The following GTF2F2 variants were observed in gnomAD, a reference collection of about 807,000 sequenced individuals.
The protein encoded by GTF2F2 is ATP-dependent helicase GTF2F2.
In GTF2F2, 23 loss-of-function variants were observed where a neutral mutation model predicts 42.2. The observed-to-expected ratio is 0.55, with a 90% CI of 0.39 to 0.77. The LOEUF (loss-of-function observed/expected upper bound fraction) is 0.77, where lower values mean the gene tolerates loss of function less well. Ranked by LOEUF, GTF2F2 falls within the 30% of genes least tolerant of loss-of-function variation. The pLI is 0.00. For synonymous variants in GTF2F2, 105 were observed against 100.8 expected, an observed-to-expected ratio of 1.04 and a Z score of -0.25; for missense variants, 261 against 287.2, an observed-to-expected ratio of 0.91 and a Z score of 0.66.
At chr13:45,238,412 A>G (rs569637952) in intron 5 of GTF2F2, among the ~76,000 whole-genome samples, 11 of 152,214 alleles carry the variant, frequency 7.2e-5, no homozygotes, top group East Asian at 5.8e-4. Flanking sequence ...TTCCCCTCAT[A>G]TATTTCTGCT....
At chr13:45,162,694 T>C (rs1162447401) in intron 4 of GTF2F2, among the ~76,000 whole-genome samples, 5 of 152,108 alleles carry the variant, frequency 3.3e-5, no homozygotes, top group African/African-American at 4.8e-5. Context: ...TAATCTGAGG[T>C]TGGGATGAGG....
intron 4 of GTF2F2, among the ~76,000 whole-genome samples, chr13:45,174,271 T>C (rs2138148067): frequency 6.6e-6 from 1 of 152,314 alleles, no homozygotes; most frequent in Non-Finnish European, 1.5e-5. Flanking sequence ...ATTTAATACA[T>C]AACCACAAAA....
chr13:45,235,813 C>T (rs780865375), intron 5 of GTF2F2, among the ~76,000 whole-genome samples: 5 of 151,802 alleles, frequency 3.3e-5, no homozygotes, highest in African/African-American at 7.3e-5. Context: ...CCATGTTGAC[C>T]GTGCTGGTCT....
chr13:45,222,980 A>G (rs1874178151), intron 5 of GTF2F2, among the ~76,000 whole-genome samples: 1 of 152,162 alleles, frequency 6.6e-6, no homozygotes, highest in South Asian at 2.1e-4. Flanking sequence ...GACATGGGAG[A>G]TTACTTCTAG....
intron 4 of GTF2F2, among the ~76,000 whole-genome samples, chr13:45,202,073 A>G (rs1873213445): frequency 6.6e-6 from 1 of 152,042 alleles, no homozygotes; most frequent in Admixed American, 6.6e-5. Context: ...AAGGTCCAGC[A>G]CAATCATTGC....
intron 4 of GTF2F2, among the ~76,000 whole-genome samples, chr13:45,167,474 T>G (rs1239448728): frequency 6.7e-6 from 1 of 149,930 alleles, no homozygotes; most frequent in Non-Finnish European, 1.5e-5. Flanking sequence ...CTCAGCTCAC[T>G]GCAACCTCCG....
intron 5 of GTF2F2, among the ~76,000 whole-genome samples, chr13:45,247,396 G>A (rs1487272206): frequency 2.6e-5 from 4 of 151,040 alleles, no homozygotes; most frequent in Non-Finnish European, 5.9e-5. Flanking sequence ...TGGTTTTTTT[G>A]TTTGTTTGTT....
intron 4 of GTF2F2, among the ~76,000 whole-genome samples, chr13:45,178,201 T>G (rs1268041088): frequency 6.6e-6 from 1 of 151,960 alleles, no homozygotes; most frequent in East Asian, 1.9e-4. Flanking sequence ...ATCTTCTGTG[T>G]CTCTGTAATG....
chr13:45,171,066 T>C (rs1227305737), intron 4 of GTF2F2, among the ~76,000 whole-genome samples: 1 of 143,872 alleles, frequency 7.0e-6, no homozygotes, highest in East Asian at 2.0e-4. Flanking sequence ...CCTAAAACCC[T>C]ATCTTTTTTT....
chr13:45,236,172 C>T (rs1264291901), intron 5 of GTF2F2, among the ~76,000 whole-genome samples: 4 of 152,134 alleles, frequency 2.6e-5, no homozygotes, highest in Non-Finnish European at 5.9e-5. Context: ...TGGTCTGGCC[C>T]ACTGTCTATG....
At position 45,241,210 on chromosome 13, in the gene GTF2F2, C is replaced by A. The variant is rs575004639; in HGVS notation, c.387-11661C>A. Among the ~76,000 whole-genome samples the A allele has an allele frequency of 4.4e-3, 652 of 147,374 alleles. 2 individuals carry two copies. The highest frequency in any genetic ancestry group is 5.6e-3 in the Non-Finnish European group (380 of 67,324). ...ATATATATATATATATATATATCTG[C>A]ATTCTTAAATAGTTAGAAGATCTGA... is the stretch of plus-strand genomic sequence containing the variant. On this transcript the variant is annotated intron_variant, in intron 5 of 7. Coordinates refer to ENST00000340473, the MANE Select transcript of GTF2F2 (RefSeq NM_004128.3).
intron 7 of GTF2F2, among the ~76,000 whole-genome samples, chr13:45,279,301 A>G (rs924278305): frequency 1.2e-4 from 18 of 152,348 alleles, no homozygotes; most frequent in Admixed American, 1.1e-3. Context: ...CAATCCTGGT[A>G]GAACCTTTAA....
chr13:45,211,604 A>T (rs1873646293), intron 5 of GTF2F2, among the ~76,000 whole-genome samples: 2 of 136,220 alleles, frequency 1.5e-5, no homozygotes, highest in East Asian at 4.4e-4. Flanking sequence ...TTTTTTTTTG[A>T]GAGACGGAGT....
intron 6 of GTF2F2, among the ~76,000 whole-genome samples, chr13:45,258,025 A>G (rs1876174813): frequency 6.6e-6 from 1 of 152,194 alleles, no homozygotes; most frequent in Non-Finnish European, 1.5e-5. Flanking sequence ...TGTGAACAAG[A>G]AAGTGAAAAA....
At chr13:45,257,970 G>A (rs1876172675) in intron 6 of GTF2F2, among the ~76,000 whole-genome samples, 1 of 152,104 alleles carries the variant, frequency 6.6e-6, no homozygotes, top group Admixed American at 6.6e-5. Flanking sequence ...AATGATTTCT[G>A]CAGAGAAACT....
chr13:45,198,370 C>A (rs1873006282), intron 4 of GTF2F2, among the ~76,000 whole-genome samples: 1 of 152,184 alleles, frequency 6.6e-6, no homozygotes, highest in African/African-American at 2.4e-5. Context: ...GGAAGTGAAA[C>A]CTTACCAGGA....
At chr13:45,224,013 A>G (rs1874225748) in intron 5 of GTF2F2, among the ~76,000 whole-genome samples, 1 of 152,244 alleles carries the variant, frequency 6.6e-6, no homozygotes, top group South Asian at 2.1e-4. Context: ...GCTATATTAT[A>G]TATTAAACTG....
At chr13:45,216,371 A>G (rs1362311224) in intron 5 of GTF2F2, among the ~76,000 whole-genome samples, 1 of 152,054 alleles carries the variant, frequency 6.6e-6, no homozygotes, top group African/African-American at 2.4e-5. Context: ...CTCACCCTGA[A>G]CATCTCTTGT....
chr13:45,181,433 A>G (rs1369791890), intron 4 of GTF2F2, among the ~76,000 whole-genome samples: 1 of 152,136 alleles, frequency 6.6e-6, no homozygotes, highest in Non-Finnish European at 1.5e-5. Context: ...TCCTTTAAGG[A>G]ATCCTTAAAT....
Sources: allele counts gnomAD v4.1 joint callset (sites outside exome capture counted in the v4.1 genomes callset), GRCh38; gene constraint gnomAD v4.1.1; transcripts MANE v1.5; gene names NCBI Gene and HGNC (gene_info 2026-07-23, HGNC 2026-07-21).